Variants in SMOC2 observed in about 807,000 individuals in gnomAD.
The protein encoded by SMOC2 is SPARC-related modular calcium-binding protein 2.
Under a neutral mutation model 61.4 loss-of-function variants are expected in SMOC2, and 39 were observed. The ratio of observed to expected loss-of-function variants is 0.64; its 90% CI spans 0.49 to 0.83. SMOC2 has a LOEUF of 0.83. Ranked by LOEUF, SMOC2 falls within the 40% of genes least tolerant of loss-of-function variation. The pLI is 0.00. For synonymous variants in SMOC2, 247 were observed against 239.9 expected (o/e 1.03, Z -0.27); for missense variants, 556 against 592.9 (o/e 0.94, Z 0.65).
At chr6:168,571,300 C>T (rs1784659084) in intron 7 of SMOC2, among the ~76,000 whole-genome samples, 1 of 152,146 alleles carries the variant, frequency 6.6e-6, no homozygotes, top group Non-Finnish European at 1.5e-5. Context: ...TGTGGAAACA[C>T]CGGTGGGTGT....
At chr6:168,524,252 C>T (rs1292140673) in intron 2 of SMOC2, among the ~76,000 whole-genome samples, 1 of 152,118 alleles carries the variant, frequency 6.6e-6, no homozygotes. Flanking sequence ...TGGAATAAGC[C>T]GCAACCCTGT....
rs952898233 is a variant in SMOC2 at position 168,452,436 on chromosome 6, C to T, written c.84+10982C>T. 7.2e-5 allele frequency among the ~76,000 whole-genome samples: 11 copies of T among 152,148 alleles called. No homozygotes were observed. The highest frequency in any genetic ancestry group is 1.5e-4 in the Non-Finnish European group (10 of 68,030). On this transcript the variant is annotated intron_variant, in intron 1 of 12. Transcript: ENST00000356284. The surrounding 1 kb of genome is among the most constrained non-coding windows in gnomAD (Gnocchi z 5.0). The stretch of plus-strand genomic sequence containing the variant: ...TAAATAGGGTGCTATTTTCTTTTTG[C>T]TGTGAGGTCAGTCCACTTTGTGAGT...
At chr6:168,514,827 C>G (rs368018877) in intron 2 of SMOC2, among the ~76,000 whole-genome samples, 1 of 152,128 alleles carries the variant, frequency 6.6e-6, no homozygotes, top group Admixed American at 6.5e-5. Context: ...CCGCTTTAGC[C>G]GTAGCCTTTG....
intron 6 of SMOC2, 86 bp downstream of exon 6, chr6:168,547,255 G>A (rs1784025658): frequency 6.8e-6 from 8 of 1,173,462 alleles, no homozygotes; most frequent in South Asian, 6.1e-5. Context: ...GAGTCATCTT[G>A]TTAGAGCTCC....
At chr6:168,614,460 A>G (rs868659468) in intron 9 of SMOC2, among the ~76,000 whole-genome samples, 7 of 24,876 alleles carry the variant, frequency 2.8e-4, no homozygotes, top group African/African-American at 3.7e-4. Context: ...CAGCACATGG[A>G]GCCTCTTCAC....
intron 7 of SMOC2, among the ~76,000 whole-genome samples, chr6:168,573,700 G>A (rs1784728036): frequency 6.6e-6 from 1 of 152,132 alleles, no homozygotes; most frequent in Non-Finnish European, 1.5e-5. Context: ...TCACACCACA[G>A]CCTCAGGACC....
intron 11 of SMOC2, among the ~76,000 whole-genome samples, chr6:168,656,870 C>T (rs1410412238): frequency 2.0e-5 from 3 of 152,338 alleles, no homozygotes; most frequent in South Asian, 2.1e-4. Context: ...GATGTCTTCA[C>T]GGGAGAGCAG....
At chr6:168,469,402 T>TTG (rs1179519669) in intron 1 of SMOC2, among the ~76,000 whole-genome samples, 14 of 152,084 alleles carry the variant, frequency 9.2e-5, no homozygotes, top group Admixed American at 8.5e-4. Context: ...TTGCTAGGGG[T>TTG]AATTTAGTGT....
intron 1 of SMOC2, among the ~76,000 whole-genome samples, chr6:168,443,321 TCTAA>T (rs1781260105): frequency 1.3e-5 from 2 of 152,254 alleles, no homozygotes; most frequent in South Asian, 4.1e-4. Context: ...CCCTGTCTCA[TCTAA>T]CTATTTACTT....
At chr6:168,659,576 C>CAGGGTGGAGGTTGTAGGTTGGGTG (rs1787429799) in intron 11 of SMOC2, among the ~76,000 whole-genome samples, 10 of 70,060 alleles carry the variant, frequency 1.4e-4, no homozygotes, top group African/African-American at 5.7e-4. Flanking sequence ...TAGGTTGAGT[C>CAGGGTGGAGGTTGTAGGTTGGGTG]AGGGTGGAGG....
At chr6:168,635,143 G>A (rs1036242451) in intron 9 of SMOC2, among the ~76,000 whole-genome samples, 2 of 152,160 alleles carry the variant, frequency 1.3e-5, no homozygotes, top group African/African-American at 4.8e-5. Context: ...TCAAACTTCA[G>A]AGCTATTTTA....
chr6:168,647,013 C>T (rs563855984), intron 9 of SMOC2, among the ~76,000 whole-genome samples: 22 of 152,198 alleles, frequency 1.4e-4, no homozygotes, highest in Non-Finnish European at 1.6e-4. Flanking sequence ...CCCCCAGGAG[C>T]CTGGGCATAG....
intron 7 of SMOC2, among the ~76,000 whole-genome samples, chr6:168,556,277 G>C (rs964138731): frequency 1.6e-4 from 25 of 152,188 alleles, no homozygotes; most frequent in African/African-American, 5.8e-4. Flanking sequence ...TCGGGAACCA[G>C]GGGAAGCTGC....
At chr6:168,534,122 A>C (rs964504487) in intron 4 of SMOC2, among the ~76,000 whole-genome samples, 3 of 150,952 alleles carry the variant, frequency 2.0e-5, no homozygotes, top group African/African-American at 7.3e-5. Context: ...AAAACAATTA[A>C]AAACTTGTGA....
chr6:168,489,255 A>G (rs903146412), intron 1 of SMOC2, among the ~76,000 whole-genome samples: 1 of 150,400 alleles, frequency 6.6e-6, no homozygotes, highest in Non-Finnish European at 1.5e-5. Flanking sequence ...AGAGTGAAAT[A>G]TATCGAATCA....
intron 2 of SMOC2, among the ~76,000 whole-genome samples, chr6:168,516,077 G>A (rs1364214028): frequency 6.6e-6 from 1 of 152,092 alleles, no homozygotes; most frequent in Non-Finnish European, 1.5e-5. Context: ...TTTTTGGTGG[G>A]TGATAGTTCT....
At chr6:168,585,022 ATCACAGC>A (rs968101370) in intron 7 of SMOC2, among the ~76,000 whole-genome samples, 31 of 152,284 alleles carry the variant, frequency 2.0e-4, no homozygotes, top group Admixed American at 1.8e-3. Flanking sequence ...CAGTGGTGTG[ATCACAGC>A]TCACTGCAGC....
chr6:168,629,888 G>A (rs112208209), intron 9 of SMOC2, among the ~76,000 whole-genome samples: 4 of 152,140 alleles, frequency 2.6e-5, no homozygotes, highest in African/African-American at 9.7e-5. Context: ...AAATCCTTTT[G>A]CCATCTTACT....
In SMOC2 at chr6:168,592,601, G is replaced by C. The variant is rs866872251; in HGVS notation, c.638-6217G>C. Among the ~76,000 whole-genome samples, 108 of 107,208 alleles carry C rather than the reference G, an allele frequency of 1.0e-3. 1 individual carries two copies. The highest frequency in any genetic ancestry group is 1.2e-3 in the African/African-American group (32 of 26,464). The allele number at this position is 107,208 out of a possible 152,430, so 70.3% of individuals were successfully genotyped here. A position where few individuals can be genotyped will look rare whatever the true frequency, so the allele number is the denominator to read the frequency against. ...GAGGGGCATCTTTCTAGAGGATCGC[G>C]GAGCTCCTCCTCCTTCCTGAGGCTT... is the stretch of plus-strand genomic sequence containing the variant. On this transcript the variant is annotated intron_variant, in intron 7 of 12. Transcript: ENST00000356284.
Sources: allele counts gnomAD v4.1 joint callset (sites outside exome capture counted in the v4.1 genomes callset), GRCh38; gene constraint gnomAD v4.1.1; non-coding constraint Gnocchi (gnomAD v3.1); transcripts MANE v1.5; gene names NCBI Gene and HGNC (gene_info 2026-07-23, HGNC 2026-07-21).